Variants in OR2L13 observed in about 807,000 individuals in gnomAD.
OR2L13 encodes olfactory receptor 2L13.
OR2L13 carries 14 observed loss-of-function variants against 15.3 expected under a neutral mutation model. The observed-to-expected ratio is 0.91, with a 90% CI of 0.60 to 1.43. The LOEUF (loss-of-function observed/expected upper bound fraction) is 1.43. Ranked by LOEUF, OR2L13 falls within the 40% of genes most tolerant of loss-of-function variation. OR2L13 has a pLI of 0.00. For missense variants in OR2L13, 367 were observed against 387.9 expected (o/e 0.95, Z 0.45); for synonymous variants, 152 against 142.9 (o/e 1.06, Z -0.45).
chr1:247,994,362 A>G, the OR2L13 span, among the ~76,000 whole-genome samples: 5 of 152,094 alleles, frequency 3.3e-5, no homozygotes, highest in Non-Finnish European at 4.4e-5. Context: ...GCTCCACTGC[A>G]CTCCAGCCGG....
chr1:247,951,287 C>G, the OR2L13 span, among the ~76,000 whole-genome samples: 2 of 152,178 alleles, frequency 1.3e-5, no homozygotes, highest in Admixed American at 6.5e-5. Context: ...ATAGTTCATA[C>G]AAATCTTAGA....
chr1:248,035,826 A>G, the OR2L13 span, among the ~76,000 whole-genome samples: 1 of 152,148 alleles, frequency 6.6e-6, no homozygotes, highest in East Asian at 1.9e-4. Flanking sequence ...CTGTCAACAT[A>G]ATTACATTCC....
the OR2L13 span, among the ~76,000 whole-genome samples, chr1:248,032,529 C>G: frequency 6.6e-6 from 1 of 152,114 alleles, no homozygotes; most frequent in African/African-American, 2.4e-5. Context: ...TTCCCCCATC[C>G]CCAGGGGTCC....
At chr1:248,028,754 A>G in the OR2L13 span, among the ~76,000 whole-genome samples, 1 of 152,158 alleles carries the variant, frequency 6.6e-6, no homozygotes, top group South Asian at 2.1e-4. Context: ...CCATATTTGC[A>G]TATGTGATGT....
the OR2L13 span, among the ~76,000 whole-genome samples, chr1:248,018,141 C>A: frequency 5.4e-5 from 8 of 147,552 alleles, no homozygotes; most frequent in African/African-American, 2.1e-4. Context: ...GGCGACAGAG[C>A]GACTCCATCT....
the OR2L13 span, among the ~76,000 whole-genome samples, chr1:247,944,291 TTAA>T: frequency 7.7e-4 from 117 of 152,288 alleles, no homozygotes; most frequent in African/African-American, 2.7e-3. Flanking sequence ...TATTATTTTT[TTAA>T]TAATTATTTT....
At chr1:247,944,896 T>G in the OR2L13 span, among the ~76,000 whole-genome samples, 150 of 152,280 alleles carry the variant, frequency 9.9e-4, no homozygotes, top group African/African-American at 3.4e-3. Context: ...TTATCTCTTT[T>G]CTTCTGTATT....
the OR2L13 span, among the ~76,000 whole-genome samples, chr1:248,067,519 G>A: frequency 6.6e-6 from 1 of 152,252 alleles, no homozygotes; most frequent in African/African-American, 2.4e-5. Context: ...TGGCAGCCAA[G>A]ATGGCCAAAT....
At chr1:248,044,126 C>T in the OR2L13 span, among the ~76,000 whole-genome samples, 5,416 of 152,140 alleles carry the variant, frequency 0.036, 322 homozygotes, top group African/African-American at 0.12. Context: ...AGCAAGTCCC[C>T]GGCTCATTTT....
the OR2L13 span, among the ~76,000 whole-genome samples, chr1:248,085,436 T>TAAAATAAAATA: frequency 7.1e-5 from 6 of 84,552 alleles, no homozygotes; most frequent in African/African-American, 1.8e-4. Flanking sequence ...TAAAATAAAA[T>TAAAATAAAATA]AATAAAATAA....
the OR2L13 span, chr1:247,990,752 C>A: frequency 1.3e-6 from 2 of 1,595,606 alleles, no homozygotes; most frequent in Non-Finnish European, 1.7e-6. Flanking sequence ...ACGGTATATG[C>A]ACTCCGTATC....
the OR2L13 span, among the ~76,000 whole-genome samples, chr1:248,079,759 T>C: frequency 4.9e-4 from 74 of 152,280 alleles, 2 homozygotes; most frequent in East Asian, 0.012. Flanking sequence ...CAAAAACTAA[T>C]TGGAAAAGAA....
chr1:248,053,662 A>G, the OR2L13 span, among the ~76,000 whole-genome samples: 1 of 152,246 alleles, frequency 6.6e-6, no homozygotes, highest in African/African-American at 2.4e-5. Flanking sequence ...GATCGGCAGC[A>G]GATGGTATCT....
chr1:247,981,833 T>G, the OR2L13 span, among the ~76,000 whole-genome samples: 10 of 150,030 alleles, frequency 6.7e-5, no homozygotes, highest in Non-Finnish European at 1.5e-4. Context: ...TTTTTTTTTT[T>G]GAGACGGAGT....
chr1:247,970,926 T>G, the OR2L13 span, among the ~76,000 whole-genome samples: 2 of 152,196 alleles, frequency 1.3e-5, no homozygotes. Flanking sequence ...ATTCTTCCTA[T>G]GTATTTAACT....
At chr1:247,968,529 G>A in the OR2L13 span, among the ~76,000 whole-genome samples, 1 of 126,122 alleles carries the variant, frequency 7.9e-6, no homozygotes, top group Non-Finnish European at 1.6e-5. Context: ...GGTGAGTGAT[G>A]TTCCCCACCC....
chr1:248,073,225 C>A, the OR2L13 span, among the ~76,000 whole-genome samples: 2 of 151,830 alleles, frequency 1.3e-5, no homozygotes, highest in Non-Finnish European at 2.9e-5. Context: ...TGCAACCAAC[C>A]CAAATGTCCA....
chr1:247,990,189 T>C, the OR2L13 span: 8,118 of 588,056 alleles, frequency 0.014, 459 homozygotes, highest in African/African-American at 0.13. Context: ...TTGAAATGCA[T>C]CCCCTGCAGA....
the OR2L13 span, among the ~76,000 whole-genome samples, chr1:247,983,581 T>TTC: frequency 0.15 from 21,650 of 146,834 alleles, 2,587 homozygotes; most frequent in African/African-American, 0.37. Context: ...AAGAAAAAAA[T>TTC]GTCCTTAAAT....
Sources: gnomAD v4.1 joint callset for allele counts (sites outside exome capture counted in the v4.1 genomes callset) on GRCh38, gnomAD v4.1.1 for gene constraint, MANE v1.5 for transcripts, NCBI Gene and HGNC (gene_info 2026-07-23, HGNC 2026-07-21) for gene names.